Variants in EI24 observed in about 807,000 individuals in gnomAD.
EI24 encodes the protein etoposide-induced protein 2.4 homolog.
In EI24, 21 loss-of-function variants were observed where a neutral mutation model predicts 48.6. That is an observed-to-expected ratio of 0.43 (90% CI 0.31 to 0.62). EI24 has a LOEUF of 0.62. Ranked by LOEUF, EI24 falls within the 20% of genes least tolerant of loss-of-function variation. The pLI, the probability that EI24 is intolerant of heterozygous loss-of-function variation, is 0.10. For synonymous variants in EI24, 114 were observed against 145.5 expected, an observed-to-expected ratio of 0.78 and a Z score of 1.56; for missense variants, 280 against 410.5, an observed-to-expected ratio of 0.68 and a Z score of 2.75.
chr11:125,576,235 A>G lies in EI24; in HGVS notation c.189-20A>G, dbSNP rs763857343. 9 of 1,610,842 alleles carry G rather than the reference A, an allele frequency of 5.6e-6. No individual in the cohort carries two copies. Among genetic ancestry groups the G allele is most frequent in the Admixed American group, 5.0e-5 (3 of 59,800 alleles). On this transcript the variant is annotated intron_variant, in intron 3 of 10. Transcript: ENST00000278903. ...AAATAACTTATGCTTTATAAACTAA[A>G]TACATGTGATCTTTTCCAGTGAGCC...
chr11:125,575,101 T>C, intron 2 of EI24, 162 bp from the exon 3 acceptor site: 1 of 482,812 alleles, frequency 2.1e-6, no homozygotes, highest in South Asian at 2.3e-5. Context: ...GTGGTGCACA[T>C]CTGTACTCAT....
chr11:125,571,180 A>G (rs957855088), intron 1 of EI24, among the ~76,000 whole-genome samples: 2 of 152,214 alleles, frequency 1.3e-5, no homozygotes, highest in Non-Finnish European at 2.9e-5. Flanking sequence ...AAGTGTGCTT[A>G]TATTTTGAAA....
At chr11:125,573,623 G>T in intron 2 of EI24, 1 of 191,134 alleles carries the variant, frequency 5.2e-6, no homozygotes, top group Non-Finnish European at 1.2e-5. Flanking sequence ...GAGTAAAAGA[G>T]GGAGGATTGA....
intron 2 of EI24, chr11:125,573,306 C>A: frequency 6.2e-6 from 1 of 160,924 alleles, no homozygotes; most frequent in Admixed American, 6.1e-5. Context: ...TCCAAATTAC[C>A]AATAGCACAA....
At chr11:125,576,033 G>A (rs1374686154) in intron 3 of EI24, 6 of 523,938 alleles carry the variant, frequency 1.1e-5, no homozygotes, top group African/African-American at 1.9e-5. Context: ...TCAGTTGATC[G>A]CCTACCACGG....
At position 125,583,916 on chromosome 11, in the gene EI24, G is replaced by T; in HGVS notation, c.*233G>T. On this transcript the variant is annotated 3_prime_UTR_variant, in exon 11 of 11. Coordinates refer to ENST00000278903, the MANE Select transcript of EI24 (RefSeq NM_004879.5). Reference sequence around the variant, plus strand: ...CACCGTGAGTCTGAAAGGACCACAGGTTTTTCTGCAGCTATTTTCTAGCAT... The same window carrying T: ...CACCGTGAGTCTGAAAGGACCACAGTTTTTTCTGCAGCTATTTTCTAGCAT... 1.8e-6 allele frequency: 1 copy of T among 549,186 alleles called. No homozygotes were observed. Among genetic ancestry groups the T allele is most frequent in the Admixed American group, 3.2e-5 (1 of 31,308 alleles). The allele number at this position is 549,186 out of a possible 1,614,324, so 34.0% of individuals were successfully genotyped here.
intron 7 of EI24, among the ~76,000 whole-genome samples, chr11:125,579,527 G>A (rs1378954008): frequency 1.3e-5 from 2 of 151,990 alleles, no homozygotes; most frequent in Non-Finnish European, 2.9e-5. Context: ...TTAGCTGCGC[G>A]TGGTGGCAAC....
chr11:125,576,622 G>A (rs1422966918), intron 4 of EI24, among the ~76,000 whole-genome samples: 1 of 152,196 alleles, frequency 6.6e-6, no homozygotes, highest in Admixed American at 6.6e-5. Flanking sequence ...AATGCTAACA[G>A]CAACTATGGG....
Position 125,573,870 on chromosome 11 carries a change from C to T in EI24, c.42+1301C>T, listed in dbSNP as rs375034132. Among the ~76,000 whole-genome samples, 13 of 151,528 alleles carry T rather than the reference C, an allele frequency of 8.6e-5. No homozygotes were observed. The East Asian group carries it at 1.8e-3, about 20-fold the overall frequency. ...CTAATTTTTATATTTTTAGTAGAGA[C>T]GGAGTTTCACCATGTTGGCCAGGCT... On this transcript the variant is annotated intron_variant, in intron 2 of 10. Transcript: ENST00000278903.
At chr11:125,573,782 A>G (rs1438254919) in intron 2 of EI24, among the ~76,000 whole-genome samples, 2 of 138,034 alleles carry the variant, frequency 1.4e-5, no homozygotes, top group Non-Finnish European at 3.0e-5. Context: ...CTTGGGTTCC[A>G]GTGATTCTCC....
chr11:125,576,272 G>A lies in EI24; in HGVS notation c.206G>A (p.Ser69Asn). 6.2e-7 allele frequency: 1 copy of A among 1,613,902 alleles called. No individual in the cohort carries two copies. Among genetic ancestry groups the A allele is most frequent in the African/African-American group, 1.3e-5 (1 of 75,068 alleles). Residue 69 changes from serine (S) to asparagine (N), a missense_variant, in exon 4 of 11, where the codon AGT becomes AAT. By Grantham distance (46) the Ser-to-Asn change is conservative. This residue lies in a region of EI24 where 204 missense variants were observed against 294.1 expected (regional missense o/e 0.69). Transcript: ENST00000278903. ...RKQESEPRIVSRIFQCCAWNG... is the reference protein window; with the variant it reads ...RKQESEPRIVNRIFQCCAWNG... Reference sequence around the variant, plus strand: ...TTTTCCAGTGAGCCACGTATTGTTAGTAGAATTTTCCAGTGTTGTGCTTGG... The same window carrying A: ...TTTTCCAGTGAGCCACGTATTGTTAATAGAATTTTCCAGTGTTGTGCTTGG...
Position 125,576,286 on chromosome 11 carries a change from T to C in EI24, c.220T>C (p.Cys74Arg). ...ACGTATTGTTAGTAGAATTTTCCAG[T>C]GTTGTGCTTGGAATGGTGGAGTGTT... ...EPRIVSRIFQ[C>R]CAWNGGVFWF... The change falls in exon 4 of 11, where the codon TGT becomes CGT. Residue 74 changes from cysteine (C) to arginine (R), a missense_variant. Physicochemically the swap from Cys to Arg is radical, Grantham distance 180 (BLOSUM62 -3). This residue lies in a region of EI24 where 204 missense variants were observed against 294.1 expected (regional missense o/e 0.69). Coordinates refer to ENST00000278903, the MANE Select transcript of EI24 (RefSeq NM_004879.5). 6.2e-7 allele frequency: 1 copy of C among 1,613,944 alleles called. No individual in the cohort carries two copies. The highest frequency in any genetic ancestry group is 8.5e-7 in the Non-Finnish European group (1 of 1,179,858).
rs750911358 is a variant in EI24 at position 125,572,565 on chromosome 11, C to T, written c.38C>T (p.Ala13Val). The T allele has an allele frequency of 6.2e-7, 1 of 1,612,706 alleles. No individual in the cohort carries two copies. The highest frequency in any genetic ancestry group is 1.7e-5 in the Admixed American group (1 of 59,932). The change falls in exon 2 of 11, where the codon GCC becomes GTC. Residue 13 changes from alanine to valine, a missense_variant. Ala to Val is a moderately conservative substitution (Grantham distance 64). Transcript: ENST00000278903. ...GTCAAAACCTTTCTCCAGGACCTTG[C>T]CAGAGTGAGTACATCTTGTTTATAG... ...DSVKTFLQDL[A>V]RGIKDSIWGI...
At chr11:125,582,325 C>CTTT (rs71045107) in intron 9 of EI24, 21 bp from the exon 10 acceptor site, 1,457 of 1,343,098 alleles carry the variant, frequency 1.1e-3, no homozygotes, top group Middle Eastern at 1.9e-3. Flanking sequence ...CTAATTATTT[C>CTTT]TTTTTTTTTT....
chr11:125,578,923 GT>G, intron 6 of EI24, 25 bp from the exon 7 acceptor site: 2 of 1,557,592 alleles, frequency 1.3e-6, no homozygotes, highest in African/African-American at 1.4e-5. Flanking sequence ...TTTAATTCAT[GT>G]TTTGGTACAC....
Position 125,583,528 on chromosome 11 carries a change from C to T in EI24, c.868C>T (p.Gln290Ter). The change falls in exon 11 of 11, where the codon CAG becomes TAG. Residue 290 changes from glutamine to a stop codon, truncating the protein, a stop_gained. Coordinates refer to ENST00000278903, the MANE Select transcript of EI24 (RefSeq NM_004879.5). LOFTEE classifies it high-confidence loss of function. ...AKTPGKAYLF[Q>*]LRLFSLVVFL... ...GGGTTTCTTGCCTTTTAGTCTCTTC[C>T]AGTTGCGCCTCTTCTCCTTGGTGGT... 2 of 1,586,552 alleles carry T rather than the reference C, an allele frequency of 1.3e-6. No individual in the cohort carries two copies. Among genetic ancestry groups the T allele is most frequent in the Non-Finnish European group, 1.7e-6 (2 of 1,164,776 alleles).
At chr11:125,582,772 A>G (rs747494341) in intron 10 of EI24, among the ~76,000 whole-genome samples, 54 of 152,212 alleles carry the variant, frequency 3.5e-4, no homozygotes, top group Non-Finnish European at 7.3e-4. Flanking sequence ...GAAAAGCTCA[A>G]TTCATCTTTG....
At chr11:125,579,520 G>A (rs900610319) in intron 7 of EI24, among the ~76,000 whole-genome samples, 2 of 151,988 alleles carry the variant, frequency 1.3e-5, no homozygotes, top group African/African-American at 4.8e-5. Context: ...ACAAAAATTA[G>A]CTGCGCGTGG....
At chr11:125,576,724 T>G (rs1444114352) in intron 4 of EI24, among the ~76,000 whole-genome samples, 2 of 152,240 alleles carry the variant, frequency 1.3e-5, no homozygotes, top group Non-Finnish European at 2.9e-5. Flanking sequence ...CATTGAAACC[T>G]ATAGCAGAAA....
Sources: allele counts gnomAD v4.1 joint callset (sites outside exome capture counted in the v4.1 genomes callset), GRCh38; gene constraint gnomAD v4.1.1; regional missense constraint gnomAD v4.1.1; transcripts MANE v1.5; gene names NCBI Gene and HGNC (gene_info 2026-07-23, HGNC 2026-07-21).